Variants in LCT observed in about 807,000 individuals in gnomAD.
LCT encodes lactase/phlorizin hydrolase.
LCT carries 90 observed loss-of-function variants against 173.0 expected under a neutral mutation model. The ratio of observed to expected loss-of-function variants is 0.52; its 90% CI spans 0.44 to 0.62. The LOEUF is 0.62. LCT is among the 20% of genes least tolerant of loss of function. The probability of loss-of-function intolerance (pLI) is 0.00; values close to 1 mark genes in which losing one functional copy is unlikely to be tolerated. For missense variants in LCT, 1,864 were observed against 2,431.4 expected, an observed-to-expected ratio of 0.77 and a Z score of 4.91; for synonymous variants, 853 against 957.6, an observed-to-expected ratio of 0.89 and a Z score of 2.02.
chr2:135,826,177 TG>T (rs1362471178), intron 3 of LCT, among the ~76,000 whole-genome samples: 1 of 152,168 alleles, frequency 6.6e-6, no homozygotes, highest in Admixed American at 6.5e-5. Context: ...CTGCTAAGTT[TG>T]TCCAGGGAGA....
In LCT at chr2:135,792,168, C is replaced by T. The variant is rs77967887; in HGVS notation, c.5112-1287G>A. 3.2e-3 allele frequency among the ~76,000 whole-genome samples: 491 copies of T among 152,224 alleles called. 2 individuals carry two copies. The highest frequency in any genetic ancestry group is 0.011 in the African/African-American group (469 of 41,520). On this transcript the variant is annotated intron_variant, in intron 14 of 16. Coordinates refer to ENST00000264162, the MANE Select transcript of LCT (RefSeq NM_002299.4). ...GAGAAGGATTTAACCTTACCTAGAG[C>T]GCAAGTGGATTTAGGGAGCCAAGTG... is the stretch of plus-strand genomic sequence containing the variant.
intron 14 of LCT, among the ~76,000 whole-genome samples, chr2:135,793,868 A>C (rs1246662558): frequency 1.3e-5 from 2 of 152,080 alleles, no homozygotes; most frequent in African/African-American, 4.8e-5. Context: ...CAGGAGATAG[A>C]GACCAGCCTG....
Position 135,812,474 on chromosome 2 carries a change from C to G in LCT, c.2190G>C (p.Trp730Cys). 1 of 1,614,220 alleles carries G rather than the reference C, an allele frequency of 6.2e-7. No homozygotes were observed. The highest frequency in any genetic ancestry group is 8.5e-7 in the Non-Finnish European group (1 of 1,180,044). The change falls in exon 7 of 17, where the codon TGG (tryptophan) becomes TGC (cysteine). Residue 730 changes from tryptophan (W) to cysteine (C), a missense_variant. Transcript: ENST00000264162. ...TSSSWIRVVP[W>C]GIRRLLQFVS... is the part of the protein sequence containing the mutation. ...CAAACTGCAACAGCCTCCTTATCCC[C>G]CAGGGCACCACACGAATCCAAGAGG...
In LCT at chr2:135,806,866, C is replaced by T. The variant is rs193116455; in HGVS notation, c.4173+262G>A. On this transcript the variant is annotated intron_variant, in intron 9 of 16. Transcript: ENST00000264162. ...GTATTTGTGTGTCTTTGCCCAAGTA[C>T]TTCTGCCCAGGCTCCCCCTGCTCCA... 5.3e-5 allele frequency among the ~76,000 whole-genome samples: 8 copies of T among 152,324 alleles called. No homozygotes were observed. In the East Asian group the frequency reaches 1.5e-3, roughly 29 times the overall value.
At position 135,807,281 on chromosome 2, in the gene LCT, G is replaced by A. The variant is rs1248012475; in HGVS notation, c.4020C>T (p.Asn1340=). Residue 1340 remains asparagine (N), a synonymous_variant, in exon 9 of 17, where the codon AAC becomes AAT. Coordinates refer to ENST00000264162, the MANE Select transcript of LCT (RefSeq NM_002299.4). ...TTGCTGTGCGAGGCCTGTTCGTGTT[G>A]TTGAAATCAACATGGTACAGTCCAA... ...VKFGLYHVDF[N]NTNRPRTARA... 2 of 1,614,206 alleles carry A rather than the reference G, an allele frequency of 1.2e-6. No homozygotes were observed. Among genetic ancestry groups the A allele is most frequent in the Non-Finnish European group, 1.7e-6 (2 of 1,180,036 alleles).
At chr2:135,825,238 C>T (rs570435816) in intron 3 of LCT, among the ~76,000 whole-genome samples, 11 of 152,226 alleles carry the variant, frequency 7.2e-5, no homozygotes, top group South Asian at 6.2e-4. Context: ...CAATAGTAAC[C>T]ACTTTAAAAG....
chr2:135,790,548 T>G lies in LCT; in HGVS notation c.5335+110A>C, dbSNP rs2077524932. 2 of 733,022 alleles carry G rather than the reference T, an allele frequency of 2.7e-6. No homozygotes were observed. Among genetic ancestry groups the G allele is most frequent in the Non-Finnish European group, 4.8e-6 (2 of 420,836 alleles). The allele number at this position is 733,022 out of a possible 1,614,324, so 45.4% of individuals were successfully genotyped here. ...TTAACCCCCACAGGAGCAAGAAGGC[T>G]TATCGTTCTCTTCTTACTGTGGCCC... is the stretch of plus-strand genomic sequence containing the variant. On this transcript the variant is annotated intron_variant, in intron 15 of 16. Coordinates refer to ENST00000264162, the MANE Select transcript of LCT (RefSeq NM_002299.4). The surrounding 1 kb of genome is among the most constrained non-coding windows in gnomAD (Gnocchi z 4.1).
rs10186843 is a variant in LCT at position 135,829,388 on chromosome 2, C to A, written c.804+205G>T. Among the ~76,000 whole-genome samples the A allele has an allele frequency of 0.51, 77,659 of 151,846 alleles. 24,038 individuals carry two copies. The highest frequency in any genetic ancestry group is 0.71 in the Non-Finnish European group (48,271 of 67,928). ...GTAAATATTCACCTTAACAAGCTAACCCTTGTATCCCTTCTAGGAAAGACT... is the reference window on the plus strand; with the variant it reads ...GTAAATATTCACCTTAACAAGCTAAACCTTGTATCCCTTCTAGGAAAGACT... On this transcript the variant is annotated intron_variant, in intron 3 of 16. Transcript: ENST00000264162.
chr2:135,813,056 G>C, intron 6 of LCT, 100 bp from the exon 7 acceptor site: 1 of 1,040,008 alleles, frequency 9.6e-7, no homozygotes, highest in Non-Finnish European at 1.5e-6. Context: ...ATGTCAACAA[G>C]TCAATAAAGA....
rs1262432825 is a variant in LCT at position 135,837,121 on chromosome 2, A to C, written c.49T>G (p.Cys17Gly). Residue 17 changes from cysteine to glycine, a missense_variant, in exon 1 of 17, where the codon TGC (cysteine) becomes GGC (glycine). By Grantham distance (159) the Cys-to-Gly change is radical. This residue lies in a region of LCT where 412 missense variants were observed against 462.0 expected (regional missense o/e 0.89). Transcript: ENST00000264162. Reference protein sequence around the residue: ...VVFIALLSFSCWGSDWESDRN... With the variant: ...VVFIALLSFSGWGSDWESDRN... ...TCAGACTCCCAGTCTGACCCCCAGC[A>C]TGAAAAACTTAGCAGGGCAATAAAG... is the stretch of plus-strand genomic sequence containing the variant. 2 of 1,614,058 alleles carry C rather than the reference A, an allele frequency of 1.2e-6. No homozygotes were observed. The highest frequency in any genetic ancestry group is 2.2e-5 in the South Asian group (2 of 91,082).
Position 135,812,380 on chromosome 2 carries a change from T to C in LCT, c.2284A>G (p.Ser762Gly), listed in dbSNP as rs747330950. The C allele has an allele frequency of 4.3e-6, 7 of 1,614,094 alleles. No individual in the cohort carries two copies. Among genetic ancestry groups the C allele is most frequent in the Middle Eastern group, 1.6e-4 (1 of 6,062 alleles). The part of the protein sequence containing the change: ...LAGNGMPIGE[S>G]ENLFDDSLRV... ...AAGGAATCATCAAAGAGATTTTCAC[T>C]TTCCCCTATGGGCATGCCATTCCCG... The change falls in exon 7 of 17, where the codon AGT becomes GGT. Residue 762 changes from serine (S) to glycine (G), a missense_variant. By Grantham distance (56) the Ser-to-Gly change is moderately conservative. Coordinates refer to ENST00000264162, the MANE Select transcript of LCT (RefSeq NM_002299.4).
chr2:135,798,012 G>A lies in LCT; in HGVS notation c.4976+17C>T, dbSNP rs534902553. 1.4e-5 allele frequency: 21 copies of A among 1,460,836 alleles called. 1 individual carries two copies. Among genetic ancestry groups the A allele is most frequent in the East Asian group, 2.3e-5 (1 of 44,238 alleles). The allele number at this position is 1,460,836 out of a possible 1,614,324, so 90.5% of individuals were successfully genotyped here. The stretch of plus-strand genomic sequence containing the variant: ...CCGACGCCCATGCCCTCACCACTGC[G>A]GGCACCAGGCCCTTACCGAGACTTG... On this transcript the variant is annotated intron_variant, in intron 13 of 16. Transcript: ENST00000264162.
At chr2:135,813,329 G>A (rs1455688733) in intron 6 of LCT, among the ~76,000 whole-genome samples, 2 of 151,708 alleles carry the variant, frequency 1.3e-5, no homozygotes, top group African/African-American at 2.4e-5. Context: ...CAACATGAAC[G>A]GCATCAACAA....
At chr2:135,791,616 G>A (rs978330098) in intron 14 of LCT, among the ~76,000 whole-genome samples, 1 of 152,226 alleles carries the variant, frequency 6.6e-6, no homozygotes, top group Non-Finnish European at 1.5e-5. Context: ...CAGCTGAATT[G>A]AATGTGGGCC....
At position 135,804,032 on chromosome 2, in the gene LCT, C is replaced by T. The variant is rs2077648404; in HGVS notation, c.4561G>A (p.Val1521Met). 5.6e-6 allele frequency: 9 copies of T among 1,614,034 alleles called. No homozygotes were observed. Among genetic ancestry groups the T allele is most frequent in the African/African-American group, 1.3e-5 (1 of 75,050 alleles). The change falls in exon 11 of 17, where the codon GTG (valine) becomes ATG (methionine). Residue 1521 changes from valine to methionine, a missense_variant. Transcript: ENST00000264162. ...IVQRFKEYAD[V>M]LFQRLGDKVK... The stretch of plus-strand genomic sequence containing the variant: ...TTGTCTCCCAGCCTCTGGAAGAGCA[C>T]ATCTGCATACTCCTTAAACCGCTGC...
chr2:135,811,701 T>TA (rs59187404), intron 7 of LCT, among the ~76,000 whole-genome samples: 1,298 of 109,268 alleles, frequency 0.012, 17 homozygotes, highest in African/African-American at 0.035. Context: ...ACCCTGATTC[T>TA]AAAAAAAAAA....
chr2:135,832,098 C>A (rs528103931), intron 2 of LCT, among the ~76,000 whole-genome samples: 66 of 152,048 alleles, frequency 4.3e-4, no homozygotes, highest in Admixed American at 1.4e-3. Context: ...CACCTGTAAT[C>A]CCAGCTACTT....
intron 1 of LCT, among the ~76,000 whole-genome samples, chr2:135,834,310 T>A (rs1395497605): frequency 1.3e-5 from 2 of 151,660 alleles, no homozygotes; most frequent in Non-Finnish European, 2.9e-5. Flanking sequence ...CTCAGCCTCC[T>A]GAGTAGCTGG....
At chr2:135,821,900 A>G (rs973923590) in intron 5 of LCT, 120 bp downstream of exon 5, 8 of 723,018 alleles carry the variant, frequency 1.1e-5, no homozygotes, top group African/African-American at 8.8e-5. Flanking sequence ...TTGAATGGCA[A>G]TAAACAACTT....
Sources: allele counts gnomAD v4.1 joint callset (sites outside exome capture counted in the v4.1 genomes callset), GRCh38; gene constraint gnomAD v4.1.1; regional missense constraint gnomAD v4.1.1; non-coding constraint Gnocchi (gnomAD v3.1); transcripts MANE v1.5; gene names NCBI Gene and HGNC (gene_info 2026-07-23, HGNC 2026-07-21).